RTP1: variants seen among roughly 807,000 people sequenced by gnomAD.
RTP1 encodes the protein receptor transporter protein 1, also known as receptor-transporting protein 1.
In RTP1, 24 loss-of-function variants were observed where a neutral mutation model predicts 27.1. The observed-to-expected ratio is 0.89, with a 90% confidence interval of 0.64 to 1.25. The LOEUF (loss-of-function observed/expected upper bound fraction) is 1.25. Ranked by LOEUF, RTP1 falls within the 50% of genes most tolerant of loss-of-function variation. The pLI, the probability that RTP1 is intolerant of heterozygous loss-of-function variation, is 0.00. For synonymous variants in RTP1, 148 were observed against 148.1 expected, an observed-to-expected ratio of 1.00 and a Z score of 0.00; for missense variants, 338 against 351.6, an observed-to-expected ratio of 0.96 and a Z score of 0.31.
At position 187,199,648 on chromosome 3, in the gene RTP1, C is replaced by A; in HGVS notation, c.370C>A (p.Arg124Ser). 1.2e-6 allele frequency: 2 copies of A among 1,609,570 alleles called. No homozygotes were observed. The highest frequency in any genetic ancestry group is 1.7e-6 in the Non-Finnish European group (2 of 1,176,332). ...LDRAQRAGSV[R>S]MRVFKQLCYE... The stretch of plus-strand genomic sequence containing the variant: ...CCGCGCCCAGCGGGCGGGCTCGGTG[C>A]GCATGCGCGTCTTCAAGCAGCTGTG... The change falls in exon 2 of 2, where the codon CGC becomes AGC. Residue 124 changes from arginine to serine, a missense_variant. Arg to Ser is a moderately radical substitution (Grantham distance 110, BLOSUM62 -1). Around this residue, in one of 3 missense-constraint regions of RTP1, gnomAD observed 252 missense variants for 231.5 expected, o/e 1.09. Transcript: ENST00000312295.
chr3:187,197,913 C>T (rs966224878), intron 1 of RTP1, 126 bp downstream of exon 1: 18 of 937,738 alleles, frequency 1.9e-5, no homozygotes, highest in African/African-American at 1.3e-4. Flanking sequence ...ATTAGGCTGG[C>T]GTAGACTGGA....
chr3:187,199,772 G>C lies in RTP1; in HGVS notation c.494G>C (p.Cys165Ser). ...CTCATCACCAGCCTGCGCGAGCAGT[G>C]CTACGGCGAGCGTGGCGGCCAGTAC... ...DNLITSLREQ[C>S]YGERGGQYRI... The change falls in exon 2 of 2, where the codon TGC (cysteine) becomes TCC (serine). Residue 165 changes from cysteine to serine, a missense_variant. By Grantham distance (112) the Cys-to-Ser change is moderately radical. This residue lies in a region of RTP1 where 252 missense variants were observed against 231.5 expected (regional missense o/e 1.09). Transcript: ENST00000312295. The C allele has an allele frequency of 6.2e-7, 1 of 1,613,550 alleles. No individual in the cohort carries two copies. Among genetic ancestry groups the C allele is most frequent in the Non-Finnish European group, 8.5e-7 (1 of 1,179,638 alleles).
Position 187,200,094 on chromosome 3 carries a change from C to A in RTP1, c.*24C>A. 6.7e-7 allele frequency: 1 copy of A among 1,486,976 alleles called. No individual in the cohort carries two copies. Among genetic ancestry groups the A allele is most frequent in the Non-Finnish European group, 9.0e-7 (1 of 1,115,680 alleles). 92.1% of individuals were successfully genotyped at this position (1,486,976 alleles called of 1,614,324 possible). A position where few individuals can be genotyped will look rare whatever the true frequency, so the allele number is the denominator to read the frequency against. On this transcript the variant is annotated 3_prime_UTR_variant, in exon 2 of 2. Coordinates refer to ENST00000312295, the MANE Select transcript of RTP1 (RefSeq NM_153708.3). Reference sequence around the variant, plus strand: ...AAGATTCCGTGGTTGGGCCCAGAGCCTGTCGAGGGTGCCAGTTAGCTGATG... The same window carrying A: ...AAGATTCCGTGGTTGGGCCCAGAGCATGTCGAGGGTGCCAGTTAGCTGATG...
chr3:187,199,431 C>T, intron 1 of RTP1, 120 bp from the exon 2 acceptor site: 1 of 1,172,802 alleles, frequency 8.5e-7, no homozygotes, highest in East Asian at 2.5e-5. Context: ...AGGGCGCCGG[C>T]AACACACTTC....
chr3:187,197,720 C>A lies in RTP1; in HGVS notation c.205C>A (p.Pro69Thr). ...TGACAGCTGGGACCTCATCATAGAC[C>A]CCAACCTCAAGCACAATGTGCTGAG... ...PADSWDLIID[P>T]NLKHNVLSPG... The change falls in exon 1 of 2, where the codon CCC becomes ACC. Residue 69 changes from proline (P) to threonine (T), a missense_variant. Physicochemically the swap from Pro to Thr is conservative, Grantham distance 38. This residue lies in a region of RTP1 where 22 missense variants were observed against 45.6 expected (regional missense o/e 0.48). Transcript: ENST00000312295. 6.2e-7 allele frequency: 1 copy of A among 1,614,144 alleles called. No homozygotes were observed. Among genetic ancestry groups the A allele is most frequent in the Non-Finnish European group, 8.5e-7 (1 of 1,180,024 alleles).
chr3:187,199,623 C>T lies in RTP1; in HGVS notation c.345C>T (p.Asp115=), dbSNP rs1381061940. Residue 115 remains aspartate, a synonymous_variant, in exon 2 of 2, where the codon GAC becomes GAT. Coordinates refer to ENST00000312295, the MANE Select transcript of RTP1 (RefSeq NM_153708.3). ...YVVILFHMFL[D]RAQRAGSVRM... ...TCATCCTCTTCCACATGTTCCTGGACCGCGCCCAGCGGGCGGGCTCGGTGC... is the reference window on the plus strand; with the variant it reads ...TCATCCTCTTCCACATGTTCCTGGATCGCGCCCAGCGGGCGGGCTCGGTGC... 1 of 1,608,886 alleles carries T rather than the reference C, an allele frequency of 6.2e-7. No individual in the cohort carries two copies. Among genetic ancestry groups the T allele is most frequent in the Admixed American group, 1.7e-5 (1 of 59,908 alleles).
chr3:187,197,947 G>A (rs1452222586), intron 1 of RTP1, 160 bp downstream of exon 1: 2 of 655,960 alleles, frequency 3.0e-6, no homozygotes, highest in African/African-American at 1.8e-5. Flanking sequence ...GTCCCTAACT[G>A]GGAACTACGA....
Position 187,200,108 on chromosome 3 carries a change from A to C in RTP1, c.*38A>C. The C allele has an allele frequency of 6.7e-7, 1 of 1,482,792 alleles. No homozygotes were observed. Among genetic ancestry groups the C allele is most frequent in the South Asian group, 1.5e-5 (1 of 65,468 alleles). The allele number at this position is 1,482,792 out of a possible 1,614,324, so 91.9% of individuals were successfully genotyped here. A position where few individuals can be genotyped will look rare whatever the true frequency, so the allele number is the denominator to read the frequency against. On this transcript the variant is annotated 3_prime_UTR_variant, in exon 2 of 2. Transcript: ENST00000312295. ...GGGCCCAGAGCCTGTCGAGGGTGCC[A>C]GTTAGCTGATGCGAGGGTAGAGGAG...
chr3:187,199,921 T>C lies in RTP1; in HGVS notation c.643T>C (p.Tyr215His). 1 of 1,596,882 alleles carries C rather than the reference T, an allele frequency of 6.3e-7. No individual in the cohort carries two copies. Among genetic ancestry groups the C allele is most frequent in the Non-Finnish European group, 8.5e-7 (1 of 1,170,222 alleles). ...GCTGCTGGAGGAGGAGGCGACCACC[T>C]ACACCTTCTCCCGGGCGCCCAGCCC... The part of the protein sequence containing the change: ...EKLLEEEATT[Y>H]TFSRAPSPTK... The change falls in exon 2 of 2, where the codon TAC becomes CAC. Residue 215 changes from tyrosine to histidine, a missense_variant. Tyr to His is a moderately conservative substitution (Grantham distance 83). Coordinates refer to ENST00000312295, the MANE Select transcript of RTP1 (RefSeq NM_153708.3).
At chr3:187,198,892 T>A (rs1721650490) in intron 1 of RTP1, among the ~76,000 whole-genome samples, 1 of 152,096 alleles carries the variant, frequency 6.6e-6, no homozygotes, top group Non-Finnish European at 1.5e-5. Context: ...GGCTGGACAC[T>A]TACAGGCAGG....
At position 187,199,936 on chromosome 3, in the gene RTP1, G is replaced by A. The variant is rs774549091; in HGVS notation, c.658G>A (p.Ala220Thr). The change falls in exon 2 of 2, where the codon GCG becomes ACG. Residue 220 changes from alanine (A) to threonine (T), a missense_variant. By Grantham distance (58) the Ala-to-Thr change is moderately conservative. This residue lies in a region of RTP1 where 252 missense variants were observed against 231.5 expected (regional missense o/e 1.09). Transcript: ENST00000312295. ...GGCGACCACCTACACCTTCTCCCGG[G>A]CGCCCAGCCCCACCAAGTCGCAGGA... Reference protein sequence around the residue: ...EEATTYTFSRAPSPTKSQDQT... With the variant: ...EEATTYTFSRTPSPTKSQDQT... 8.8e-6 allele frequency: 14 copies of A among 1,595,914 alleles called. No individual in the cohort carries two copies. Among genetic ancestry groups the A allele is most frequent in the Non-Finnish European group, 5.1e-6 (6 of 1,169,788 alleles).
rs753245855 is a variant in RTP1, at chr3:187,199,912, G to T, written c.634G>T (p.Ala212Ser). Residue 212 changes from alanine (A) to serine (S), a missense_variant, in exon 2 of 2, where the codon GCG becomes TCG. Transcript: ENST00000312295. ...KPSEKLLEEE[A>S]TTYTFSRAPS... ...CAGCGAGAAGCTGCTGGAGGAGGAG[G>T]CGACCACCTACACCTTCTCCCGGGC... 1.9e-6 allele frequency: 3 copies of T among 1,593,064 alleles called. No homozygotes were observed. The highest frequency in any genetic ancestry group is 2.2e-5 in the East Asian group (1 of 44,466).
At position 187,200,062 on chromosome 3, in the gene RTP1, T is replaced by C. The variant is rs762315445; in HGVS notation, c.784T>C (p.Ser262Pro). ...IIYLQFSFRS[S>P]V The stretch of plus-strand genomic sequence containing the variant: ...CTACCTGCAGTTCTCTTTCCGTAGC[T>C]CCGTATAAGATTCCGTGGTTGGGCC... Residue 262 changes from serine to proline, a missense_variant, in exon 2 of 2, where the codon TCC becomes CCC. Ser to Pro is a moderately conservative substitution (Grantham distance 74). Coordinates refer to ENST00000312295, the MANE Select transcript of RTP1 (RefSeq NM_153708.3). 6.6e-7 allele frequency: 1 copy of C among 1,510,804 alleles called. No homozygotes were observed. Among genetic ancestry groups the C allele is most frequent in the Non-Finnish European group, 8.9e-7 (1 of 1,128,612 alleles). 93.6% of individuals were successfully genotyped at this position (1,510,804 alleles called of 1,614,324 possible). A position where few individuals can be genotyped will look rare whatever the true frequency, so the allele number is the denominator to read the frequency against.
Position 187,199,908 on chromosome 3 carries a change from G to A in RTP1, c.630G>A (p.Glu210=). 1 of 1,593,496 alleles carries A rather than the reference G, an allele frequency of 6.3e-7. No homozygotes were observed. Among genetic ancestry groups the A allele is most frequent in the Non-Finnish European group, 8.6e-7 (1 of 1,166,962 alleles). ...HWKPSEKLLE[E]EATTYTFSRA... ...AGCCCAGCGAGAAGCTGCTGGAGGA[G>A]GAGGCGACCACCTACACCTTCTCCC... is the stretch of plus-strand genomic sequence containing the variant. Residue 210 remains glutamate (E), a synonymous_variant, in exon 2 of 2, where the codon GAG becomes GAA. Transcript: ENST00000312295.
Position 187,200,015 on chromosome 3 carries a change from C to T in RTP1, c.737C>T (p.Ala246Val). The T allele has an allele frequency of 1.3e-6, 2 of 1,532,592 alleles. No homozygotes were observed. The highest frequency in any genetic ancestry group is 1.8e-6 in the Non-Finnish European group (2 of 1,139,788). 94.9% of individuals were successfully genotyped at this position (1,532,592 alleles called of 1,614,324 possible). ...TCTATCCCCTGGTGCTTGTTTTGGG[C>T]CACGGTCCTGCTGCTGATCATCTAC... ...FCSIPWCLFW[A>V]TVLLLIIYLQ... Residue 246 changes from alanine to valine, a missense_variant, in exon 2 of 2, where the codon GCC (alanine) becomes GTC (valine). Coordinates refer to ENST00000312295, the MANE Select transcript of RTP1 (RefSeq NM_153708.3).
In RTP1 at chr3:187,201,135, T is replaced by A. The variant is rs1027405571; in HGVS notation, c.*1065T>A. ...CCCCTAAAGCCACAGGGATGGGGTATCTTCAGCAAGAGAGAGGGCGTTAAA... is the reference window on the plus strand; with the variant it reads ...CCCCTAAAGCCACAGGGATGGGGTAACTTCAGCAAGAGAGAGGGCGTTAAA... On this transcript the variant is annotated 3_prime_UTR_variant, in exon 2 of 2. Coordinates refer to ENST00000312295, the MANE Select transcript of RTP1 (RefSeq NM_153708.3). 6.6e-6 allele frequency: 1 copy of A among 152,264 alleles called. No homozygotes were observed. Among genetic ancestry groups the A allele is most frequent in the Non-Finnish European group, 1.5e-5 (1 of 68,060 alleles). 9.4% of individuals were successfully genotyped at this position (152,264 alleles called of 1,614,324 possible). A position where few individuals can be genotyped will look rare whatever the true frequency, so the allele number is the denominator to read the frequency against.
Position 187,197,797 on chromosome 3 carries a change from C to T in RTP1, c.272+10C>T, listed in dbSNP as rs753135353. 84 of 1,607,928 alleles carry T rather than the reference C, an allele frequency of 5.2e-5. No homozygotes were observed. The highest frequency in any genetic ancestry group is 6.7e-5 in the Admixed American group (4 of 59,876). On this transcript the variant is annotated intron_variant, in intron 1 of 1. Coordinates refer to ENST00000312295, the MANE Select transcript of RTP1 (RefSeq NM_153708.3). Reference sequence around the variant, plus strand: ...TGCATGCTTCAGGCAGGTGAGTAGCCCAGGAAGGTGGATCCCTGCAGGCCG... The same window carrying T: ...TGCATGCTTCAGGCAGGTGAGTAGCTCAGGAAGGTGGATCCCTGCAGGCCG...
Position 187,200,193 on chromosome 3 carries a change from G to T in RTP1, c.*123G>T, listed in dbSNP as rs577921814. ...CTGGTGATGTCACTGACTCAGTGGG[G>T]ATCTTGGACAAATTATACAGTTTTT... is the stretch of plus-strand genomic sequence containing the variant. On this transcript the variant is annotated 3_prime_UTR_variant, in exon 2 of 2. Transcript: ENST00000312295. 1 of 798,140 alleles carries T rather than the reference G, an allele frequency of 1.3e-6. No individual in the cohort carries two copies. The highest frequency in any genetic ancestry group is 1.8e-6 in the Non-Finnish European group (1 of 551,854). 49.4% of individuals were successfully genotyped at this position (798,140 alleles called of 1,614,324 possible).
In RTP1 at chr3:187,197,629, T is replaced by C; in HGVS notation, c.114T>C (p.Cys38=). The C allele has an allele frequency of 6.2e-7, 1 of 1,614,136 alleles. No homozygotes were observed. Among genetic ancestry groups the C allele is most frequent in the Non-Finnish European group, 8.5e-7 (1 of 1,180,012 alleles). ...CCCTCACTACTGACGAGACCATGTG[T>C]AAAAGCGTGACCACAGATGAGTGGA... ...LPSLTTDETM[C]KSVTTDEWKK... The change falls in exon 1 of 2, where the codon TGT becomes TGC. Residue 38 remains cysteine (C), a synonymous_variant. Coordinates refer to ENST00000312295, the MANE Select transcript of RTP1 (RefSeq NM_153708.3).
Sources: gnomAD v4.1 joint callset for allele counts (sites outside exome capture counted in the v4.1 genomes callset) on GRCh38, gnomAD v4.1.1 for gene constraint, gnomAD v4.1.1 regional missense constraint, MANE v1.5 for transcripts, NCBI Gene and HGNC (gene_info 2026-07-23, HGNC 2026-07-21) for gene names.